Variants in SLCO1A2 observed in about 807,000 individuals in gnomAD.
SLCO1A2 encodes OATP-1.
In SLCO1A2, 67 loss-of-function variants were observed where a neutral mutation model predicts 69.0. That is an observed-to-expected ratio of 0.97 (90% CI 0.80 to 1.19). The LOEUF is 1.19. Among genes scored for constraint, SLCO1A2 ranks in the 50% most tolerant of loss-of-function variants. SLCO1A2 has a pLI of 0.00. For synonymous variants in SLCO1A2, 260 were observed against 265.9 expected (o/e 0.98, Z 0.22); for missense variants, 787 against 793.7 (o/e 0.99, Z 0.10).
chr12:21,369,175 TAGGA>T (rs1428256468), intron 2 of SLCO1A2, among the ~76,000 whole-genome samples: 1 of 152,220 alleles, frequency 6.6e-6, no homozygotes, highest in Non-Finnish European at 1.5e-5. Context: ...TAAAATGTGA[TAGGA>T]AGAAGATTAA....
chr12:21,321,052 T>C (rs1365275686), intron 2 of SLCO1A2, among the ~76,000 whole-genome samples: 1 of 152,182 alleles, frequency 6.6e-6, no homozygotes, highest in African/African-American at 2.4e-5. Flanking sequence ...ACTACCTCCA[T>C]AAAAGGTCAT....
chr12:21,287,981 T>G, intron 12 of SLCO1A2, among the ~76,000 whole-genome samples: 1 of 128,726 alleles, frequency 7.8e-6, no homozygotes, highest in Non-Finnish European at 1.6e-5. Flanking sequence ...CTGCACAATG[T>G]GCACATGTAC....
At chr12:21,381,573 A>G (rs1374024504) in intron 1 of SLCO1A2, among the ~76,000 whole-genome samples, 2 of 152,074 alleles carry the variant, frequency 1.3e-5, no homozygotes, top group Non-Finnish European at 2.9e-5. Flanking sequence ...TGAGGCAGGC[A>G]GATCATGAGG....
chr12:21,362,468 G>C (rs1422844630), intron 2 of SLCO1A2, among the ~76,000 whole-genome samples: 1 of 152,076 alleles, frequency 6.6e-6, no homozygotes. Flanking sequence ...AAGACCATTG[G>C]TACTAGGAGG....
Position 21,304,487 on chromosome 12 carries a change from G to C in SLCO1A2, c.529C>G (p.Pro177Ala). ...VRGMGETPIL[P>A]LGISYIEDFA... ...TCTTCTATATAGGAAATACCCAAAG[G>C]CAGGATGGGAGTTTCACCCATTCCA... The change falls in exon 6 of 15, where the codon CCT becomes GCT. Residue 177 changes from proline (P) to alanine (A), a missense_variant. Physicochemically the swap from Pro to Ala is conservative, Grantham distance 27. Coordinates refer to ENST00000683939, the MANE Select transcript of SLCO1A2 (RefSeq NM_001386879.1). 1 of 1,611,958 alleles carries C rather than the reference G, an allele frequency of 6.2e-7. No individual in the cohort carries two copies. Among genetic ancestry groups the C allele is most frequent in the Admixed American group, 1.7e-5 (1 of 60,000 alleles).
At position 21,275,373 on chromosome 12, in the gene SLCO1A2, G is replaced by A. The variant is rs11568565; in HGVS notation, c.1662C>T (p.Cys554=). ...AACTATTTTTACCAAATACTCTTGTGCAAAATGTATGTAATCCCACACCAA... is the reference window on the plus strand; with the variant it reads ...AACTATTTTTACCAAATACTCTTGTACAAAATGTATGTAATCCCACACCAA... The part of the protein sequence containing the change: ...KSLGVGLHTF[C]TRVFAGIPAP... Residue 554 remains cysteine (C), a synonymous_variant, in exon 13 of 15, where the codon TGC becomes TGT. Coordinates refer to ENST00000683939, the MANE Select transcript of SLCO1A2 (RefSeq NM_001386879.1). 43,865 of 1,553,040 alleles carry A rather than the reference G, an allele frequency of 0.028. 739 individuals are homozygous for A. The highest frequency in any genetic ancestry group is 0.046 in the Middle Eastern group (217 of 4,754).
intron 1 of SLCO1A2, among the ~76,000 whole-genome samples, chr12:21,416,612 C>CA (rs1439268763): frequency 2.0e-5 from 3 of 146,804 alleles, no homozygotes; most frequent in Non-Finnish European, 4.5e-5. Flanking sequence ...TCTTGTTTAA[C>CA]TTTTTTTTTT....
chr12:21,274,436 A>C (rs1393319349), intron 14 of SLCO1A2, 33 bp downstream of exon 14: 1 of 1,438,818 alleles, frequency 7.0e-7, no homozygotes, highest in Non-Finnish European at 9.8e-7. Flanking sequence ...GTCTATGCTT[A>C]TAAAACAATT....
chr12:21,334,559 A>G (rs1315885896), intron 2 of SLCO1A2, 29 bp downstream of exon 2: 1 of 1,535,522 alleles, frequency 6.5e-7, no homozygotes, highest in African/African-American at 1.4e-5. Context: ...GTGTACATGC[A>G]CATATATCCA....
At chr12:21,294,259 T>A in intron 10 of SLCO1A2, 149 bp from the exon 11 acceptor site, 1 of 578,644 alleles carries the variant, frequency 1.7e-6, no homozygotes, top group Non-Finnish European at 2.9e-6. Flanking sequence ...CTGTTTACTA[T>A]AGCTTTGGTA....
intron 1 of SLCO1A2, among the ~76,000 whole-genome samples, chr12:21,394,555 GCACACA>G (rs35166807): frequency 0.16 from 22,181 of 138,786 alleles, 1,880 homozygotes; most frequent in East Asian, 0.39. Context: ...AATAACACAC[GCACACA>G]CACACACACA....
chr12:21,361,584 C>T (rs1411359863), intron 2 of SLCO1A2, among the ~76,000 whole-genome samples: 1 of 152,102 alleles, frequency 6.6e-6, no homozygotes, highest in African/African-American at 2.4e-5. Context: ...TTGGTAATAA[C>T]AAACTTCTCC....
At chr12:21,346,493 G>A (rs1953256202) in intron 2 of SLCO1A2, among the ~76,000 whole-genome samples, 1 of 151,804 alleles carries the variant, frequency 6.6e-6, no homozygotes. Context: ...TGTGAACTAT[G>A]TGACTTTATT....
At chr12:21,273,381 C>T (rs1353417132) in intron 14 of SLCO1A2, among the ~76,000 whole-genome samples, 1 of 152,258 alleles carries the variant, frequency 6.6e-6, no homozygotes, top group South Asian at 2.1e-4. Context: ...CTCTCAGTGT[C>T]CCTGCTAACA....
chr12:21,285,980 T>G (rs560211204), intron 12 of SLCO1A2, among the ~76,000 whole-genome samples: 1 of 152,246 alleles, frequency 6.6e-6, no homozygotes, highest in African/African-American at 2.4e-5. Context: ...ACCACTCCTA[T>G]TCAATATAGT....
intron 12 of SLCO1A2, among the ~76,000 whole-genome samples, chr12:21,288,011 TA>T (rs59000175): frequency 0.2 from 20,582 of 102,960 alleles, 1,582 homozygotes; most frequent in East Asian, 0.37. Context: ...TAAAGTATAA[TA>T]AAAAAAAAAA....
intron 2 of SLCO1A2, chr12:21,319,664 T>G (rs1951351641): frequency 8.6e-6 from 3 of 348,582 alleles, no homozygotes; most frequent in South Asian, 2.3e-5. Flanking sequence ...TCAGCTCACC[T>G]GGACCATTGG....
At chr12:21,418,187 G>A (rs1448056017), upstream of SLCO1A2, among the ~76,000 whole-genome samples, 1 of 152,190 alleles carries the variant, frequency 6.6e-6, no homozygotes, top group Non-Finnish European at 1.5e-5. Flanking sequence ...AAGATTCCAT[G>A]TTAGTGGTGC....
intron 1 of SLCO1A2, among the ~76,000 whole-genome samples, chr12:21,376,982 G>A (rs530959890): frequency 3.3e-5 from 5 of 152,150 alleles, no homozygotes; most frequent in South Asian, 2.1e-4. Context: ...TTCCGATATC[G>A]TTTTAAAAGC....
Sources: gnomAD v4.1 joint callset for allele counts (sites outside exome capture counted in the v4.1 genomes callset) on GRCh38, gnomAD v4.1.1 for gene constraint, MANE v1.5 for transcripts, NCBI Gene and HGNC (gene_info 2026-07-23, HGNC 2026-07-21) for gene names.